NECTIN3: variants seen among roughly 807,000 people sequenced by gnomAD.
The protein encoded by NECTIN3 is nectin-3.
Under a neutral mutation model 49.4 loss-of-function variants are expected in NECTIN3, and 8 were observed. That is an observed-to-expected ratio of 0.16 (90% CI 0.10 to 0.29). The LOEUF is 0.29. Ranked by LOEUF, NECTIN3 falls within the 10% of genes least tolerant of loss-of-function variation. The pLI is 1.00. For synonymous variants in NECTIN3, 277 were observed against 241.1 expected (o/e 1.15, Z -1.38); for missense variants, 581 against 654.6 (o/e 0.89, Z 1.23).
At chr3:111,153,728 A>T (rs1480171826) in intron 7 of NECTIN3, among the ~76,000 whole-genome samples, 1 of 152,156 alleles carries the variant, frequency 6.6e-6, no homozygotes. Context: ...AGAAGTATCC[A>T]TACCTTTATT....
intron 1 of NECTIN3, among the ~76,000 whole-genome samples, chr3:111,108,804 A>G (rs936895025): frequency 2.0e-5 from 3 of 152,074 alleles, no homozygotes; most frequent in Non-Finnish European, 4.4e-5. Flanking sequence ...GTGGAAACTC[A>G]CTCATTACCA....
intron 1 of NECTIN3, among the ~76,000 whole-genome samples, chr3:111,089,590 G>T (rs192674190): frequency 7.1e-4 from 108 of 152,128 alleles, no homozygotes; most frequent in Non-Finnish European, 1.3e-3. Context: ...TTAAGTAAAT[G>T]GGATTTTAAA....
chr3:111,114,266 T>C (rs1029660492), intron 2 of NECTIN3, among the ~76,000 whole-genome samples: 5 of 152,160 alleles, frequency 3.3e-5, no homozygotes, highest in African/African-American at 1.2e-4. Context: ...TATGCTTTTA[T>C]GGGTGTTTCT....
intron 5 of NECTIN3, 108 bp from the exon 6 acceptor site, chr3:111,133,527 T>C: frequency 7.2e-7 from 1 of 1,388,856 alleles, no homozygotes; most frequent in Non-Finnish European, 9.6e-7. Flanking sequence ...ATTGTTACTA[T>C]GAATATATAT....
chr3:111,106,964 T>A (rs1229082691), intron 1 of NECTIN3, among the ~76,000 whole-genome samples: 2 of 152,132 alleles, frequency 1.3e-5, no homozygotes, highest in Non-Finnish European at 2.9e-5. Flanking sequence ...TATCAGAGTT[T>A]TAAAAAGTGT....
rs958861427 is a variant in NECTIN3, at chr3:111,137,440, TTTTTGTTTTG to T, written c.*3245_*3254del. 1.2e-4 allele frequency: 115 copies of T among 950,010 alleles called. No homozygotes were observed. The highest frequency in any genetic ancestry group is 6.3e-4 in the African/African-American group (35 of 55,234). The allele number at this position is 950,010 out of a possible 1,614,324, so 58.8% of individuals were successfully genotyped here. On this transcript the variant is annotated 3_prime_UTR_variant, in exon 6 of 6. Coordinates refer to ENST00000485303, the MANE Select transcript of NECTIN3 (RefSeq NM_015480.3). ...GTTTTGGTTTTGTTGTGTTTGGTGT[TTTTTGTTTTG>T]TTTTGTTTTGTTTTGTTTTTTCTTT...
rs765430429 is a variant in NECTIN3 at position 111,118,741 on chromosome 3, C to T, written c.588C>T (p.Ala196=). 5 of 1,614,072 alleles carry T rather than the reference C, an allele frequency of 3.1e-6. No individual in the cohort carries two copies. Among genetic ancestry groups the T allele is most frequent in the Non-Finnish European group, 4.2e-6 (5 of 1,179,984 alleles). ...CAGTAGCAGCCATTTGCATCGCAGC[C>T]ACTGGAAAACCCGTTGCACATATTG... is the stretch of plus-strand genomic sequence containing the variant. The part of the protein sequence containing the change: ...NETVAAICIA[A]TGKPVAHIDW... The change falls in exon 3 of 6, where the codon GCC becomes GCT. Residue 196 remains alanine, a synonymous_variant. Coordinates refer to ENST00000485303, the MANE Select transcript of NECTIN3 (RefSeq NM_015480.3).
chr3:111,164,074 A>G (rs1034242011), intron 7 of NECTIN3, among the ~76,000 whole-genome samples: 17 of 152,084 alleles, frequency 1.1e-4, no homozygotes, highest in African/African-American at 4.1e-4. Context: ...TGTGCGAAGT[A>G]TTTGTATTTC....
intron 3 of NECTIN3, among the ~76,000 whole-genome samples, chr3:111,119,204 G>C (rs1287087797): frequency 6.6e-6 from 1 of 152,110 alleles, no homozygotes; most frequent in Non-Finnish European, 1.5e-5. Context: ...GCTGGACTTA[G>C]GGAGTTATGG....
chr3:111,181,906 T>A (rs893997527), intron 7 of NECTIN3, among the ~76,000 whole-genome samples: 20 of 151,982 alleles, frequency 1.3e-4, no homozygotes, highest in African/African-American at 4.6e-4. Flanking sequence ...TTCCTTTGGA[T>A]TTAATTTGTT....
At chr3:111,103,337 G>A (rs147866504) in intron 1 of NECTIN3, among the ~76,000 whole-genome samples, 1 of 151,928 alleles carries the variant, frequency 6.6e-6, no homozygotes, top group African/African-American at 2.4e-5. Flanking sequence ...TATAGATCTT[G>A]TACATATTTT....
chr3:111,110,037 A>C (rs1321834038), intron 1 of NECTIN3, among the ~76,000 whole-genome samples: 1 of 152,076 alleles, frequency 6.6e-6, no homozygotes, highest in Non-Finnish European at 1.5e-5. Context: ...TAACATACTG[A>C]TTATATAGTT....
rs1263723566 is a variant in NECTIN3 at position 111,098,583 on chromosome 3, G to A, written c.161-13447G>A. On this transcript the variant is annotated intron_variant, in intron 1 of 5. Coordinates refer to ENST00000485303, the MANE Select transcript of NECTIN3 (RefSeq NM_015480.3). ...TGTAAGGACACTTGTCATTGGATTT[G>A]GGATCTACCTGGATAATCCAGTGTC... Among the ~76,000 whole-genome samples the A allele has an allele frequency of 3.3e-5, 5 of 152,068 alleles. No individual in the cohort carries two copies. In the East Asian group the frequency reaches 7.7e-4, roughly 23 times the overall value.
rs375790354 is a variant in NECTIN3 at position 111,113,665 on chromosome 3, A to G, written c.502+1294A>G. Among the ~76,000 whole-genome samples, 18 of 152,302 alleles carry G rather than the reference A, an allele frequency of 1.2e-4. No homozygotes were observed. The East Asian group carries it at 1.9e-3, about 16-fold the overall frequency. On this transcript the variant is annotated intron_variant, in intron 2 of 5. Coordinates refer to ENST00000485303, the MANE Select transcript of NECTIN3 (RefSeq NM_015480.3). The stretch of plus-strand genomic sequence containing the variant: ...TTAGAAGGCAAGGCATGAATATCTG[A>G]AAACTCACATGGAGGACATCAGTAA...
At chr3:111,121,279 C>T (rs2033941941) in intron 3 of NECTIN3, among the ~76,000 whole-genome samples, 1 of 151,734 alleles carries the variant, frequency 6.6e-6, no homozygotes, top group Non-Finnish European at 1.5e-5. Flanking sequence ...TCCCAAAGTG[C>T]TGGGATTACA....
intron 7 of NECTIN3, among the ~76,000 whole-genome samples, chr3:111,159,188 G>C (rs1316269685): frequency 2.6e-5 from 4 of 151,748 alleles, no homozygotes; most frequent in Non-Finnish European, 4.4e-5. Flanking sequence ...TTCTATTTTT[G>C]CTCTAGTAGA....
chr3:111,187,901 C>G (rs751374104), upstream of NECTIN3, among the ~76,000 whole-genome samples: 1 of 152,118 alleles, frequency 6.6e-6, no homozygotes, highest in Admixed American at 6.5e-5. Context: ...CCGTTTGTTA[C>G]AACACCAAGA....
intron 1 of NECTIN3, among the ~76,000 whole-genome samples, chr3:111,092,781 T>G (rs1012916509): frequency 9.9e-5 from 15 of 152,174 alleles, no homozygotes; most frequent in African/African-American, 3.6e-4. Context: ...CAAGTTTGGT[T>G]ATTACTAGAC....
At chr3:111,157,276 CT>C (rs2035116968) in intron 7 of NECTIN3, among the ~76,000 whole-genome samples, 1 of 151,682 alleles carries the variant, frequency 6.6e-6, no homozygotes, top group Admixed American at 6.6e-5. Flanking sequence ...CTTTCCTTAC[CT>C]TTGATTAATA....
Sources: gnomAD v4.1 joint callset for allele counts (sites outside exome capture counted in the v4.1 genomes callset) on GRCh38, gnomAD v4.1.1 for gene constraint, MANE v1.5 for transcripts, NCBI Gene and HGNC (gene_info 2026-07-23, HGNC 2026-07-21) for gene names.